Variants in RIC8A observed in about 807,000 individuals in gnomAD.
The protein encoded by RIC8A is chaperone Ric-8A.
RIC8A carries 37 observed loss-of-function variants against 48.4 expected under a neutral mutation model. The observed-to-expected ratio is 0.77, with a 90% CI of 0.59 to 1.01. The LOEUF (loss-of-function observed/expected upper bound fraction) is 1.01, where lower values mean the gene tolerates loss of function less well. RIC8A is among the 50% of genes least tolerant of loss of function. RIC8A has a pLI of 0.00. For synonymous variants in RIC8A, 288 were observed against 283.4 expected, an observed-to-expected ratio of 1.02 and a Z score of -0.16; for missense variants, 681 against 696.8, an observed-to-expected ratio of 0.98 and a Z score of 0.25.
rs1855339857 is a variant in RIC8A at position 210,861 on chromosome 11, AGTATG to A, written c.818+203_818+207del. On this transcript the variant is annotated intron_variant, in intron 4 of 9. Transcript: ENST00000526104. ...CAACTGGGCCTTGGGTAGTGGCAAC[AGTATG>A]GTACTTACTAGGGCACATTGGTTCC... is the stretch of plus-strand genomic sequence containing the variant. The A allele has an allele frequency of 1.4e-5, 9 of 624,936 alleles. No individual in the cohort carries two copies. In the Admixed American group the frequency reaches 1.9e-4, roughly 13 times the overall value. The allele number at this position is 624,936 out of a possible 1,614,324, so 38.7% of individuals were successfully genotyped here. A position where few individuals can be genotyped will look rare whatever the true frequency, so the allele number is the denominator to read the frequency against.
In RIC8A at chr11:212,471, C is replaced by G. The variant is rs1194454518; in HGVS notation, c.1025C>G (p.Ala342Gly). Reference sequence around the variant, plus strand: ...GTGCTGAGCGTGCTGACTGAATGTGCCCGGATGCACCGCCCAGCCAGGAAG... The same window carrying G: ...GTGCTGAGCGTGCTGACTGAATGTGGCCGGATGCACCGCCCAGCCAGGAAG... Reference protein sequence around the residue: ...APVLSVLTECARMHRPARKFL... With the variant: ...APVLSVLTECGRMHRPARKFL... Residue 342 changes from alanine (A) to glycine (G), a missense_variant, in exon 6 of 10, where the codon GCC (alanine) becomes GGC (glycine). Ala to Gly is a moderately conservative substitution (Grantham distance 60). Transcript: ENST00000526104. 5.0e-6 allele frequency: 8 copies of G among 1,613,810 alleles called. No individual in the cohort carries two copies. The East Asian group carries it at 1.8e-4, about 36-fold the overall frequency.
At chr11:213,969 C>T (rs1855456228) in intron 9 of RIC8A, among the ~76,000 whole-genome samples, 1 of 152,006 alleles carries the variant, frequency 6.6e-6, no homozygotes, top group Non-Finnish European at 1.5e-5. Flanking sequence ...AGACTAATGT[C>T]GCCAGATTTA....
At position 209,504 on chromosome 11, in the gene RIC8A, G is replaced by A. The variant is rs749914964; in HGVS notation, c.230G>A (p.Arg77His). 6.2e-7 allele frequency: 1 copy of A among 1,613,052 alleles called. No individual in the cohort carries two copies. Among genetic ancestry groups the A allele is most frequent in the Admixed American group, 1.7e-5 (1 of 59,998 alleles). The change falls in exon 3 of 10, where the codon CGC becomes CAC. Residue 77 changes from arginine (R) to histidine (H), a missense_variant. By Grantham distance (29) the Arg-to-His change is conservative (BLOSUM62 0). Transcript: ENST00000526104. ...LQSVRILSRD[R>H]NCLDPFTSRQ... ...AGTGTCCGAATCCTGTCCCGGGACC[G>A]CAACTGCCTGGACCCGTTCACCAGC...
At position 208,892 on chromosome 11, in the gene RIC8A, G is replaced by A. The variant is rs766201734; in HGVS notation, c.38G>A (p.Gly13Asp). 6.2e-7 allele frequency: 1 copy of A among 1,611,350 alleles called. No individual in the cohort carries two copies. The highest frequency in any genetic ancestry group is 1.7e-5 in the Admixed American group (1 of 59,938). Reference sequence around the variant, plus strand: ...GCGGTTGCAGAAGCCGTGGAGACGGGTGAGGAGGATGTGATTATGGAAGCT... The same window carrying A: ...GCGGTTGCAGAAGCCGTGGAGACGGATGAGGAGGATGTGATTATGGAAGCT... ...PRAVAEAVET[G>D]EEDVIMEALR... Residue 13 changes from glycine to aspartate, a missense_variant, in exon 1 of 10, where the codon GGT (glycine) becomes GAT (aspartate). Gly to Asp is a moderately conservative substitution (Grantham distance 94). Transcript: ENST00000526104. The surrounding 1 kb of genome is among the most constrained non-coding windows in gnomAD (Gnocchi z 4.8).
intron 5 of RIC8A, 141 bp from the exon 6 acceptor site, chr11:212,275 C>T: frequency 5.2e-6 from 4 of 762,146 alleles, no homozygotes; most frequent in Non-Finnish European, 8.6e-6. Flanking sequence ...TGACTAACTG[C>T]AGAGGGGCCT....
At position 209,723 on chromosome 11, in the gene RIC8A, T is replaced by C; in HGVS notation, c.449T>C (p.Leu150Pro). The C allele has an allele frequency of 1.2e-6, 2 of 1,614,038 alleles. No individual in the cohort carries two copies. The highest frequency in any genetic ancestry group is 1.7e-6 in the Non-Finnish European group (2 of 1,180,008). The change falls in exon 3 of 10, where the codon CTG (leucine) becomes CCG (proline). Residue 150 changes from leucine to proline, a missense_variant. Leu to Pro is a moderately conservative substitution (Grantham distance 98, BLOSUM62 -3). Transcript: ENST00000526104. ...GTGAAGCTCACAGAGCGTGTGGGGCTGTACCGTGAGAGGAGCTTCCCCCAC... is the reference window on the plus strand; with the variant it reads ...GTGAAGCTCACAGAGCGTGTGGGGCCGTACCGTGAGAGGAGCTTCCCCCAC... ...LVVKLTERVG[L>P]YRERSFPHDV... is the part of the protein sequence containing the mutation.
rs1855352880 is a variant in RIC8A, at chr11:211,369, G to T, written c.969+20G>T. The T allele has an allele frequency of 1.2e-6, 2 of 1,609,208 alleles. No homozygotes were observed. Among genetic ancestry groups the T allele is most frequent in the African/African-American group, 2.7e-5 (2 of 74,976 alleles). ...CACAAGGTAGGCTGGGGATGGCTGT[G>T]CAGGCTCCCCCAGTGGCTCTGGCAC... On this transcript the variant is annotated intron_variant, in intron 5 of 9. Coordinates refer to ENST00000526104, the MANE Select transcript of RIC8A (RefSeq NM_001286134.2). The surrounding 1 kb of genome is among the most constrained non-coding windows in gnomAD (Gnocchi z 4.0).
At position 212,373 on chromosome 11, in the gene RIC8A, G is replaced by A. The variant is rs376348210; in HGVS notation, c.970-43G>A. On this transcript the variant is annotated intron_variant, in intron 5 of 9. Transcript: ENST00000526104. The stretch of plus-strand genomic sequence containing the variant: ...AGGTGTAACTCTGTGCCAGTCACAA[G>A]TTAGGCAGGGGCATAGCCCCAGTGA... 8.2e-6 allele frequency: 13 copies of A among 1,590,602 alleles called. 1 individual carries two copies. The highest frequency in any genetic ancestry group is 6.7e-5 in the South Asian group (6 of 88,946).
intron 1 of RIC8A, 110 bp from the exon 2 acceptor site, chr11:209,160 AT>A (rs750264679): frequency 7.4e-7 from 1 of 1,342,746 alleles, no homozygotes; most frequent in South Asian, 1.2e-5. Flanking sequence ...CGACCCTGCC[AT>A]CCGTTCTGAG....
At position 209,894 on chromosome 11, in the gene RIC8A, ACCC is replaced by A. The variant is rs3832797; in HGVS notation, c.624_626del (p.Pro210del). The A allele has an allele frequency of 0.34, 549,509 of 1,609,500 alleles. 98,328 individuals carry two copies. The highest frequency in any genetic ancestry group is 0.7 in the East Asian group (31,445 of 44,834). On this transcript the variant is annotated inframe_deletion, in exon 3 of 10. Transcript: ENST00000526104. ...ACGCTGGGGGTGACTCCTGAAGGGA[ACCC>A]CCCACCCACGCTCCTTCCTTCCCAA...
In RIC8A at chr11:214,236, A is replaced by T. The variant is rs971689864; in HGVS notation, c.1482A>T (p.Arg494Ser). 6 of 1,613,732 alleles carry T rather than the reference A, an allele frequency of 3.7e-6. No individual in the cohort carries two copies. Among genetic ancestry groups the T allele is most frequent in the Non-Finnish European group, 5.1e-6 (6 of 1,179,870 alleles). The change falls in exon 10 of 10, where the codon AGA becomes AGT. Residue 494 changes from arginine (R) to serine (S), a missense_variant. By Grantham distance (110) the Arg-to-Ser change is moderately radical. Coordinates refer to ENST00000526104, the MANE Select transcript of RIC8A (RefSeq NM_001286134.2). ...CTGCACCTTTCCCCAACAGGAACAG[A>T]GTCATCCAGCCAATGGGGATGAGTC... ...VTMFDKLSRN[R>S]VIQPMGMSPR...
intron 4 of RIC8A, chr11:210,944 T>A (rs1855342097): frequency 1.6e-6 from 1 of 606,322 alleles, no homozygotes; most frequent in Non-Finnish European, 2.9e-6. Context: ...TTTCCAGAGA[T>A]GGTCTGGCGC....
chr11:214,172 G>A (rs754769094), intron 9 of RIC8A, 58 bp from the exon 10 acceptor site: 5 of 1,580,644 alleles, frequency 3.2e-6, no homozygotes, highest in South Asian at 1.2e-5. Flanking sequence ...GGGTGAGTAG[G>A]ACCCCTGCCT....
Position 208,829 on chromosome 11 carries a change from G to A in RIC8A, c.-26G>A, listed in dbSNP as rs1482972126. 3 of 1,592,074 alleles carry A rather than the reference G, an allele frequency of 1.9e-6. No individual in the cohort carries two copies. The highest frequency in any genetic ancestry group is 1.3e-5 in the African/African-American group (1 of 74,460). ...TGCGGCCCGGAACGGCTGAGGAAGGGCCCGTCCCGCCTTCCCCGGCGCGCC... is the reference window on the plus strand; with the variant it reads ...TGCGGCCCGGAACGGCTGAGGAAGGACCCGTCCCGCCTTCCCCGGCGCGCC... On this transcript the variant is annotated 5_prime_UTR_variant, in exon 1 of 10. Transcript: ENST00000526104. This position sits in a 1 kb window ranked among gnomAD's most constrained non-coding sequence, Gnocchi z 4.8.
Position 212,396 on chromosome 11 carries a change from T to C in RIC8A, c.970-20T>C. On this transcript the variant is annotated intron_variant, in intron 5 of 9. Coordinates refer to ENST00000526104, the MANE Select transcript of RIC8A (RefSeq NM_001286134.2). ...AAGTTAGGCAGGGGCATAGCCCCAG[T>C]GACAGAGAATCCTCTACAGACACAC... 6.2e-7 allele frequency: 1 copy of C among 1,611,450 alleles called. No homozygotes were observed. The highest frequency in any genetic ancestry group is 8.5e-7 in the Non-Finnish European group (1 of 1,178,754).
In RIC8A at chr11:214,397, G is replaced by C; in HGVS notation, c.*47G>C. 1 of 1,556,160 alleles carries C rather than the reference G, an allele frequency of 6.4e-7. No homozygotes were observed. The highest frequency in any genetic ancestry group is 1.2e-5 in the South Asian group (1 of 84,628). On this transcript the variant is annotated 3_prime_UTR_variant, in exon 10 of 10. Coordinates refer to ENST00000526104, the MANE Select transcript of RIC8A (RefSeq NM_001286134.2). ...CCCATCAGGACTGGTGCTGCTTCCA[G>C]AGACTTCCTTGGGGTTGCAACCTGG...
rs1444040514 is a variant in RIC8A, at chr11:212,961, G to A, written c.1335G>A (p.Glu445=). The change falls in exon 8 of 10, where the codon GAG becomes GAA. Residue 445 remains glutamate (E), a synonymous_variant. Coordinates refer to ENST00000526104, the MANE Select transcript of RIC8A (RefSeq NM_001286134.2). The part of the protein sequence containing the change: ...YSEDEDTDTD[E]YKEAKASINP... ...AGGATGAGGACACAGACACAGATGA[G>A]TACAAGGAAGCCAAAGCCAGGTGTG... 6.4e-7 allele frequency: 1 copy of A among 1,560,404 alleles called. No individual in the cohort carries two copies. The highest frequency in any genetic ancestry group is 1.9e-5 in the Admixed American group (1 of 51,754).
chr11:210,860 C>T (rs1469265619), intron 4 of RIC8A, 198 bp downstream of exon 4: 2 of 624,866 alleles, frequency 3.2e-6, no homozygotes, highest in Non-Finnish European at 5.7e-6. Flanking sequence ...GTAGTGGCAA[C>T]AGTATGGTAC....
At position 209,836 on chromosome 11, in the gene RIC8A, G is replaced by C. The variant is rs1361555762; in HGVS notation, c.562G>C (p.Gly188Arg). The change falls in exon 3 of 10, where the codon GGA (glycine) becomes CGA (arginine). Residue 188 changes from glycine (G) to arginine (R), a missense_variant. Transcript: ENST00000526104. ...VRQQLFQELKGVRLLTDTLEL... is the reference protein window; with the variant it reads ...VRQQLFQELKRVRLLTDTLEL... Reference sequence around the variant, plus strand: ...CCAGCAGCTGTTTCAGGAGCTGAAAGGAGTGCGCCTGCTAACTGACACACT... The same window carrying C: ...CCAGCAGCTGTTTCAGGAGCTGAAACGAGTGCGCCTGCTAACTGACACACT... 6.2e-7 allele frequency: 1 copy of C among 1,613,904 alleles called. No homozygotes were observed. The highest frequency in any genetic ancestry group is 1.1e-5 in the South Asian group (1 of 91,088).
Sources: allele counts gnomAD v4.1 joint callset (sites outside exome capture counted in the v4.1 genomes callset), GRCh38; gene constraint gnomAD v4.1.1; non-coding constraint Gnocchi (gnomAD v3.1); transcripts MANE v1.5; gene names NCBI Gene and HGNC (gene_info 2026-07-23, HGNC 2026-07-21).